The following ATP2C2 variants were observed in gnomAD, a reference collection of about 807,000 sequenced individuals.
The protein encoded by ATP2C2 is ATPase secretory pathway Ca2+ transporting 2, also known as calcium-transporting ATPase type 2C member 2.
ATP2C2 carries 171 observed loss-of-function variants against 110.8 expected under a neutral mutation model. That is an observed-to-expected ratio of 1.54 (90% CI 1.36 to 1.75). The LOEUF is 1.75. ATP2C2 is among the 40% of genes most tolerant of loss of function. ATP2C2 has a pLI of 0.00. For synonymous variants in ATP2C2, 804 were observed against 508.4 expected (o/e 1.58, Z -7.82); for missense variants, 1,963 against 1,235.0 (o/e 1.59, Z -8.84).
chr16:84,401,347 C>T (rs759923064), intron 2 of ATP2C2, among the ~76,000 whole-genome samples: 1 of 151,572 alleles, frequency 6.6e-6, no homozygotes, highest in Non-Finnish European at 1.5e-5. Context: ...CCTCAGCCTC[C>T]TGTAGTAGCT....
At chr16:84,451,461 G>C (rs572252665) in intron 17 of ATP2C2, among the ~76,000 whole-genome samples, 1 of 152,354 alleles carries the variant, frequency 6.6e-6, no homozygotes, top group East Asian at 1.9e-4. Flanking sequence ...GCCGCTGGAG[G>C]CATCTCTGCC....
chr16:84,462,320 C>T (rs1378018049), intron 26 of ATP2C2, 191 bp downstream of exon 26: 1 of 711,200 alleles, frequency 1.4e-6, no homozygotes, highest in African/African-American at 1.8e-5. Context: ...GACGGATGCA[C>T]AGAAACCCCT....
In ATP2C2 at chr16:84,452,059, C is replaced by T. The variant is rs762749398; in HGVS notation, c.1799C>T (p.Thr600Met). Residue 600 changes from threonine (T) to methionine (M), a missense_variant, in exon 18 of 27, where the codon ACG becomes ATG. Thr to Met is a moderately conservative substitution (Grantham distance 81). Transcript: ENST00000262429. ...SESGVSVKMI[T>M]GDALETALAI... is the part of the protein sequence containing the mutation. ...TCTGGTGTGTCTGTGAAGATGATAA[C>T]GGGGGATGCCCTGGAGACGGCCTTG... The T allele has an allele frequency of 1.6e-5, 26 of 1,613,494 alleles. No individual in the cohort carries two copies. The highest frequency in any genetic ancestry group is 1.0e-4 in the Admixed American group (6 of 59,916).
At chr16:84,425,089 C>T (rs980739252) in intron 10 of ATP2C2, among the ~76,000 whole-genome samples, 2 of 152,056 alleles carry the variant, frequency 1.3e-5, no homozygotes, top group Non-Finnish European at 2.9e-5. Context: ...TCAATACATA[C>T]ACACACACAC....
intron 1 of ATP2C2, among the ~76,000 whole-genome samples, chr16:84,394,459 G>C (rs1186375351): frequency 6.6e-6 from 1 of 152,090 alleles, no homozygotes. Flanking sequence ...GGCCTTTTGT[G>C]TCTGGCTTCT....
chr16:84,376,040 G>A (rs1910230458), intron 1 of ATP2C2, among the ~76,000 whole-genome samples: 2 of 152,234 alleles, frequency 1.3e-5, no homozygotes, highest in Middle Eastern at 3.4e-3. Context: ...CAGGGGTGGC[G>A]GTGTATGAGC....
rs777985801 is a variant in ATP2C2, at chr16:84,423,827, A to G, written c.919+564A>G. Among the ~76,000 whole-genome samples, 15 of 152,296 alleles carry G rather than the reference A, an allele frequency of 9.8e-5. No individual in the cohort carries two copies. The East Asian group carries it at 1.4e-3, about 14-fold the overall frequency. Reference sequence around the variant, plus strand: ...TATCTGTGCACCCAAACATATTTCTATGCTTCTAAGCAGGCTGTTCCTGGA... The same window carrying G: ...TATCTGTGCACCCAAACATATTTCTGTGCTTCTAAGCAGGCTGTTCCTGGA... On this transcript the variant is annotated intron_variant, in intron 10 of 26. Coordinates refer to ENST00000262429, the MANE Select transcript of ATP2C2 (RefSeq NM_014861.4).
chr16:84,452,078 G>A lies in ATP2C2; in HGVS notation c.1818G>A (p.Thr606=), dbSNP rs777846440. The A allele has an allele frequency of 1.6e-5, 26 of 1,613,998 alleles. No homozygotes were observed. Among genetic ancestry groups the A allele is most frequent in the Middle Eastern group, 1.7e-4 (1 of 6,060 alleles). ...TGATAACGGGGGATGCCCTGGAGAC[G>A]GCCTTGGCCATAGGTAACTGGGACA... The part of the protein sequence containing the change: ...VKMITGDALE[T]ALAIGRNIGL... Residue 606 remains threonine (T), a synonymous_variant, in exon 18 of 27, where the codon ACG becomes ACA. Coordinates refer to ENST00000262429, the MANE Select transcript of ATP2C2 (RefSeq NM_014861.4).
At chr16:84,428,452 A>C (rs1907977081) in intron 11 of ATP2C2, among the ~76,000 whole-genome samples, 1 of 152,208 alleles carries the variant, frequency 6.6e-6, no homozygotes, top group Admixed American at 6.5e-5. Flanking sequence ...TTTTGAGTTA[A>C]TGGGAATTGG....
At chr16:84,404,273 T>A (rs1269281750) in intron 2 of ATP2C2, among the ~76,000 whole-genome samples, 2 of 152,144 alleles carry the variant, frequency 1.3e-5, no homozygotes, top group Non-Finnish European at 2.9e-5. Context: ...GCAAAGCGGG[T>A]TACATTAGCA....
chr16:84,442,369 T>G (rs539348725), intron 14 of ATP2C2, 141 bp from the exon 15 acceptor site: 1 of 757,006 alleles, frequency 1.3e-6, no homozygotes, highest in Non-Finnish European at 2.3e-6. Context: ...ATGTTTCTTT[T>G]AAAAAGCCGG....
intron 1 of ATP2C2, among the ~76,000 whole-genome samples, chr16:84,380,644 A>AC (rs1910522239): frequency 1.3e-5 from 2 of 152,152 alleles, no homozygotes; most frequent in South Asian, 4.1e-4. Flanking sequence ...ACGGAAGTCT[A>AC]CAGCCCAGGC....
At chr16:84,459,909 C>T (rs412609) in intron 23 of ATP2C2, 269,878 of 285,120 alleles carry the variant, frequency 0.95, 129,029 homozygotes, top group East Asian at 1. Flanking sequence ...GGAGTCCACC[C>T]GCTCCGCCAC....
intron 1 of ATP2C2, among the ~76,000 whole-genome samples, chr16:84,375,354 C>A (rs1490635983): frequency 2.0e-5 from 3 of 152,110 alleles, no homozygotes; most frequent in Non-Finnish European, 4.4e-5. Flanking sequence ...CCAGCCTGAC[C>A]AACGTGGTGA....
Position 84,390,727 on chromosome 16 carries a change from A to G in ATP2C2, c.100-7772A>G, listed in dbSNP as rs59569147. Among the ~76,000 whole-genome samples, 1,117 of 152,284 alleles carry G rather than the reference A, an allele frequency of 7.3e-3. 19 individuals are homozygous for G. Among genetic ancestry groups the G allele is most frequent in the African/African-American group, 0.025 (1,021 of 41,550 alleles). ...CACGTGGTGCCTGCACAACATTGCA[A>G]AGGTACTAGATGCACTGAACTGCAT... On this transcript the variant is annotated intron_variant, in intron 1 of 26. Transcript: ENST00000262429.
intron 1 of ATP2C2, among the ~76,000 whole-genome samples, chr16:84,383,926 A>T (rs748805508): frequency 2.6e-5 from 4 of 151,416 alleles, no homozygotes; most frequent in African/African-American, 4.9e-5. Context: ...AGTAGCTGGG[A>T]CTACAGGCAT....
intron 17 of ATP2C2, among the ~76,000 whole-genome samples, chr16:84,451,227 G>A (rs1489846893): frequency 6.6e-6 from 1 of 152,136 alleles, no homozygotes; most frequent in Non-Finnish European, 1.5e-5. Flanking sequence ...CTCCTGAGAT[G>A]TATTCACTAC....
chr16:84,368,802 G>T, intron 1 of ATP2C2, 88 bp downstream of exon 1: 1 of 1,167,218 alleles, frequency 8.6e-7, no homozygotes, highest in Non-Finnish European at 1.2e-6. Context: ...CCCCGCGTTC[G>T]CGCTGCGATC....
intron 6 of ATP2C2, among the ~76,000 whole-genome samples, chr16:84,412,207 A>G (rs1056924980): frequency 6.6e-6 from 1 of 152,166 alleles, no homozygotes; most frequent in Non-Finnish European, 1.5e-5. Context: ...AGCTGCTACA[A>G]AAGTTACTGC....
Sources: allele counts gnomAD v4.1 joint callset (sites outside exome capture counted in the v4.1 genomes callset), GRCh38; gene constraint gnomAD v4.1.1; transcripts MANE v1.5; gene names NCBI Gene and HGNC (gene_info 2026-07-23, HGNC 2026-07-21).